Variants in USP43 observed in about 807,000 individuals in gnomAD.
USP43 encodes the protein ubiquitin specific peptidase 43.
A neutral mutation model predicts 90.7 loss-of-function variants in USP43; 33 were observed. That is an observed-to-expected ratio of 0.36 (90% CI 0.28 to 0.49). USP43 has a LOEUF of 0.49. USP43 is among the 20% of genes least tolerant of loss of function. The pLI, the probability that USP43 is intolerant of heterozygous loss-of-function variation, is 0.98. For missense variants in USP43, 1,274 were observed against 1,476.4 expected, an observed-to-expected ratio of 0.86 and a Z score of 2.25; for synonymous variants, 598 against 615.8, an observed-to-expected ratio of 0.97 and a Z score of 0.43.
At chr17:9,717,357 C>T (rs1597891278) in intron 14 of USP43, among the ~76,000 whole-genome samples, 1 of 134,668 alleles carries the variant, frequency 7.4e-6, no homozygotes, top group Admixed American at 7.1e-5. Flanking sequence ...ATTGCTTGGG[C>T]ACAGTGTGTG....
At chr17:9,725,411 G>A (rs1917210714) in intron 14 of USP43, among the ~76,000 whole-genome samples, 1 of 152,066 alleles carries the variant, frequency 6.6e-6, no homozygotes, top group African/African-American at 2.4e-5. Flanking sequence ...CAGAAGTTTT[G>A]CCCATCTCCC....
At chr17:9,727,816 CTA>C in intron 14 of USP43, 136 bp from the exon 15 acceptor site, 1 of 923,526 alleles carries the variant, frequency 1.1e-6, no homozygotes, top group Non-Finnish European at 1.6e-6. Flanking sequence ...GGCAGGAACC[CTA>C]TGTGGCTTCT....
intron 6 of USP43, among the ~76,000 whole-genome samples, chr17:9,681,130 A>G: frequency 9.0e-6 from 1 of 111,674 alleles, no homozygotes; most frequent in East Asian, 2.8e-4. Flanking sequence ...TATAATATAT[A>G]CTATATAATA....
In USP43 at chr17:9,728,343, C is replaced by T; in HGVS notation, c.2725C>T (p.Pro909Ser). 1.2e-6 allele frequency: 2 copies of T among 1,611,828 alleles called. No individual in the cohort carries two copies. The highest frequency in any genetic ancestry group is 1.7e-6 in the Non-Finnish European group (2 of 1,179,016). The change falls in exon 15 of 15, where the codon CCA becomes TCA. Residue 909 changes from proline to serine, a missense_variant. Pro to Ser is a moderately conservative substitution (Grantham distance 74). Coordinates refer to ENST00000285199, the MANE Select transcript of USP43 (RefSeq NM_153210.5). This position sits in a 1 kb window ranked among gnomAD's most constrained non-coding sequence, Gnocchi z 6.2. ...HCLAPGNSDG[P>S]NTARKLKENA... ...TCTGGCCCCTGGAAACTCAGATGGT[C>T]CAAACACAGCAAGGAAACTCAAGGA...
intron 1 of USP43, among the ~76,000 whole-genome samples, chr17:9,648,938 CCT>C (rs112759856): frequency 4.5e-4 from 58 of 129,514 alleles, no homozygotes; most frequent in Middle Eastern, 3.9e-3. Flanking sequence ...TGTCTCTCTC[CCT>C]CTCTCTCTCT....
At chr17:9,666,546 G>C in intron 2 of USP43, 102 bp from the exon 3 acceptor site, 1 of 898,542 alleles carries the variant, frequency 1.1e-6, no homozygotes, top group Non-Finnish European at 1.8e-6. Context: ...GCCCAGAAAG[G>C]GATGATGCGG....
Position 9,693,056 on chromosome 17 carries a change from G to A in USP43, c.1354-71G>A, listed in dbSNP as rs140501234. ...AATGATTATATTTTTTAATGTATGC[G>A]CCCCTTTAGAGTCTAATTTAAATCA... On this transcript the variant is annotated intron_variant, in intron 8 of 14. Transcript: ENST00000285199. The A allele has an allele frequency of 3.2e-3, 3,276 of 1,033,602 alleles. 19 individuals are homozygous for A. Among genetic ancestry groups the A allele is most frequent in the Middle Eastern group, 6.9e-3 (33 of 4,784 alleles). 64.0% of individuals were successfully genotyped at this position (1,033,602 alleles called of 1,614,324 possible). A position where few individuals can be genotyped will look rare whatever the true frequency, so the allele number is the denominator to read the frequency against.
chr17:9,728,427 C>T lies in USP43; in HGVS notation c.2809C>T (p.Pro937Ser), dbSNP rs781145928. Residue 937 changes from proline to serine, a missense_variant, in exon 15 of 15, where the codon CCT (proline) becomes TCT (serine). Pro to Ser is a moderately conservative substitution (Grantham distance 74). Transcript: ENST00000285199. The surrounding 1 kb of genome is among the most constrained non-coding windows in gnomAD (Gnocchi z 6.2). ...RKFDLPLTVMPSVEHEKPARP... is the reference protein window; with the variant it reads ...RKFDLPLTVMSSVEHEKPARP... ...GTTTGACCTGCCTCTCACTGTGATG[C>T]CTTCAGTGGAGCATGAGAAACCAGC... The T allele has an allele frequency of 3.1e-5, 50 of 1,611,214 alleles. No homozygotes were observed. In the South Asian group the frequency reaches 5.2e-4, roughly 17 times the overall value.
chr17:9,667,745 C>G (rs1335751906), intron 3 of USP43, among the ~76,000 whole-genome samples: 1 of 152,138 alleles, frequency 6.6e-6, no homozygotes, highest in Non-Finnish European at 1.5e-5. Flanking sequence ...TTACAGAGAG[C>G]CTCCTCTAAG....
intron 14 of USP43, among the ~76,000 whole-genome samples, chr17:9,717,360 A>AGT (rs56058514): frequency 0.032 from 4,615 of 145,614 alleles, 71 homozygotes; most frequent in African/African-American, 0.032. Context: ...GCTTGGGCAC[A>AGT]GTGTGTGTGT....
intron 12 of USP43, among the ~76,000 whole-genome samples, chr17:9,703,943 A>G (rs1259239014): frequency 1.3e-5 from 2 of 152,098 alleles, no homozygotes; most frequent in Admixed American, 6.5e-5. Flanking sequence ...GGGTGATGGG[A>G]GCTTGACCTT....
At chr17:9,705,870 G>T (rs1286948582) in intron 12 of USP43, among the ~76,000 whole-genome samples, 2 of 152,134 alleles carry the variant, frequency 1.3e-5, no homozygotes, top group Non-Finnish European at 2.9e-5. Context: ...TTATTGGCAG[G>T]ATAAATTCTC....
In USP43 at chr17:9,652,225, A is replaced by AG. The variant is rs567634213; in HGVS notation, c.505-4178_505-4177insG. ...AAGCCCTTAGCGCAAAAAAAAAAAA[A>AG]AAAAGAAAAGAAAAGAAAGGAAAAA... On this transcript the variant is annotated intron_variant, in intron 1 of 14. Coordinates refer to ENST00000285199, the MANE Select transcript of USP43 (RefSeq NM_153210.5). Among the ~76,000 whole-genome samples the AG allele has an allele frequency of 2.8e-3, 423 of 149,200 alleles. 1 individual carries two copies. Among genetic ancestry groups the AG allele is most frequent in the South Asian group, 7.3e-3 (35 of 4,812 alleles).
chr17:9,660,878 T>C (rs1912595082), intron 2 of USP43, among the ~76,000 whole-genome samples: 1 of 152,322 alleles, frequency 6.6e-6, no homozygotes, highest in Admixed American at 6.5e-5. Flanking sequence ...TCAAATTTGC[T>C]CTCAGAAAAT....
chr17:9,670,195 T>C (rs1274286821), intron 3 of USP43, among the ~76,000 whole-genome samples: 3 of 151,768 alleles, frequency 2.0e-5, no homozygotes, highest in African/African-American at 4.8e-5. Context: ...TGTGCCACCA[T>C]GCCCAGCAAA....
chr17:9,673,660 C>T (rs1254137943), intron 3 of USP43, among the ~76,000 whole-genome samples: 1 of 152,168 alleles, frequency 6.6e-6, no homozygotes, highest in Non-Finnish European at 1.5e-5. Context: ...TACGAAAGAA[C>T]GCAGGAATGA....
At position 9,678,459 on chromosome 17, in the gene USP43, C is replaced by T. The variant is rs189223682; in HGVS notation, c.969+1578C>T. Among the ~76,000 whole-genome samples the T allele has an allele frequency of 6.6e-5, 10 of 152,208 alleles. No homozygotes were observed. The East Asian group carries it at 7.7e-4, about 12-fold the overall frequency. ...GCAACCTCCGCCTCCCAGGTTCAAGCGATTCTCCTGCCTCAGCCTCCTGAG... is the reference window on the plus strand; with the variant it reads ...GCAACCTCCGCCTCCCAGGTTCAAGTGATTCTCCTGCCTCAGCCTCCTGAG... On this transcript the variant is annotated intron_variant, in intron 5 of 14. Coordinates refer to ENST00000285199, the MANE Select transcript of USP43 (RefSeq NM_153210.5).
rs149859636 is a variant in USP43, at chr17:9,709,587, G to A, written c.2012-369G>A. Among the ~76,000 whole-genome samples the A allele has an allele frequency of 8.2e-4, 124 of 152,046 alleles. No individual in the cohort carries two copies. The highest frequency in any genetic ancestry group is 1.4e-3 in the Non-Finnish European group (97 of 67,992). On this transcript the variant is annotated intron_variant, in intron 12 of 14. Coordinates refer to ENST00000285199, the MANE Select transcript of USP43 (RefSeq NM_153210.5). This position sits in a 1 kb window ranked among gnomAD's most constrained non-coding sequence, Gnocchi z 5.0. The stretch of plus-strand genomic sequence containing the variant: ...AAATATTAGCCGGGTGTGGTGGCAG[G>A]CAACTGTAATCCTAGCTACCCAGGA...
At chr17:9,666,327 C>T (rs902500970) in intron 2 of USP43, among the ~76,000 whole-genome samples, 7 of 152,062 alleles carry the variant, frequency 4.6e-5, no homozygotes, top group East Asian at 1.9e-4. Context: ...ACATTGAAGC[C>T]GAGTGGGACA....
Sources: allele counts gnomAD v4.1 joint callset (sites outside exome capture counted in the v4.1 genomes callset), GRCh38; gene constraint gnomAD v4.1.1; non-coding constraint Gnocchi (gnomAD v3.1); transcripts MANE v1.5; gene names NCBI Gene and HGNC (gene_info 2026-07-23, HGNC 2026-07-21).